The following GALNT17 variants were observed in gnomAD, a reference collection of about 807,000 sequenced individuals.
GALNT17 encodes UDP-GalNAc:polypeptide N-acetylgalactosaminyltransferase-like 3.
A neutral mutation model predicts 63.7 loss-of-function variants in GALNT17; 29 were observed. That is an observed-to-expected ratio of 0.46 (90% CI 0.34 to 0.62). The LOEUF is 0.62. GALNT17 is among the 20% of genes least tolerant of loss of function. The pLI, the probability that GALNT17 is intolerant of heterozygous loss-of-function variation, is 0.01. For missense variants in GALNT17, 603 were observed against 799.6 expected (o/e 0.75, Z 2.97); for synonymous variants, 305 against 318.3 (o/e 0.96, Z 0.45).
intron 9 of GALNT17, among the ~76,000 whole-genome samples, chr7:71,677,905 C>T (rs35056957): frequency 1.9e-4 from 29 of 152,134 alleles, no homozygotes; most frequent in Admixed American, 1.4e-3. Context: ...CGGTAGTTCT[C>T]AATGTCCAGA....
chr7:71,475,994 TATA>T (rs1172575578), intron 5 of GALNT17, among the ~76,000 whole-genome samples: 5 of 152,208 alleles, frequency 3.3e-5, no homozygotes, highest in Non-Finnish European at 5.9e-5. Flanking sequence ...TCCTACTAAT[TATA>T]ATAATTATCA....
intron 1 of GALNT17, among the ~76,000 whole-genome samples, chr7:71,191,353 A>AT (rs397736163): frequency 0.37 from 53,678 of 145,160 alleles, 11,860 homozygotes; most frequent in African/African-American, 0.64. Context: ...TTCACTCAGC[A>AT]TTTTTTTTTT....
At position 71,538,250 on chromosome 7, in the gene GALNT17, A is replaced by C. The variant is rs187819656; in HGVS notation, c.963-33035A>C. Among the ~76,000 whole-genome samples the C allele has an allele frequency of 9.4e-4, 143 of 152,246 alleles. 1 individual carries two copies. The highest frequency in any genetic ancestry group is 2.5e-4 in the Non-Finnish European group (17 of 68,018). ...TCTAAATGTGTCTTCTGCTCCAATT[A>C]TGTTTTTATGAGTCCACTTGAAACC... On this transcript the variant is annotated intron_variant, in intron 5 of 10. Transcript: ENST00000333538.
intron 7 of GALNT17, 106 bp downstream of exon 7, chr7:71,665,702 T>C: frequency 1.5e-6 from 2 of 1,316,992 alleles, no homozygotes; most frequent in Non-Finnish European, 2.1e-6. Flanking sequence ...ATGCTCATGC[T>C]TAGAAAAATT....
At chr7:71,549,004 C>G (rs961003159) in intron 5 of GALNT17, among the ~76,000 whole-genome samples, 5 of 152,172 alleles carry the variant, frequency 3.3e-5, no homozygotes, top group African/African-American at 7.2e-5. Flanking sequence ...TTCTGAGCCT[C>G]TGGGGGTTAT....
At chr7:71,613,010 G>T (rs1045026984) in intron 6 of GALNT17, among the ~76,000 whole-genome samples, 2 of 152,068 alleles carry the variant, frequency 1.3e-5, no homozygotes, top group Admixed American at 6.6e-5. Flanking sequence ...CCCCCCTCTC[G>T]CCTATCACCA....
At chr7:71,619,127 G>A (rs1375249819) in intron 6 of GALNT17, among the ~76,000 whole-genome samples, 1 of 152,134 alleles carries the variant, frequency 6.6e-6, no homozygotes, top group Non-Finnish European at 1.5e-5. Context: ...TTGTAGGTGT[G>A]CATTTAATTT....
At chr7:71,609,342 TG>T (rs1790092004) in intron 6 of GALNT17, among the ~76,000 whole-genome samples, 1 of 152,178 alleles carries the variant, frequency 6.6e-6, no homozygotes, top group Non-Finnish European at 1.5e-5. Context: ...CGTTCCTTTT[TG>T]TAAGCCGTGA....
At chr7:71,456,589 T>G (rs1198868993) in intron 5 of GALNT17, among the ~76,000 whole-genome samples, 1 of 151,612 alleles carries the variant, frequency 6.6e-6, no homozygotes, top group Non-Finnish European at 1.5e-5. Flanking sequence ...GGTGGCATGG[T>G]GGCGGACGCC....
chr7:71,190,320 T>C (rs188547543), intron 1 of GALNT17, among the ~76,000 whole-genome samples: 1 of 152,332 alleles, frequency 6.6e-6, no homozygotes, highest in African/African-American at 2.4e-5. Context: ...CCCTCATGGC[T>C]TGGTGCTGTC....
At chr7:71,308,950 G>C (rs1279070249) in intron 1 of GALNT17, among the ~76,000 whole-genome samples, 6 of 151,960 alleles carry the variant, frequency 3.9e-5, no homozygotes, top group Admixed American at 3.9e-4. Context: ...CACCATGTTG[G>C]CCATACTGGT....
At chr7:71,356,414 C>T (rs922919243) in intron 2 of GALNT17, among the ~76,000 whole-genome samples, 3 of 152,304 alleles carry the variant, frequency 2.0e-5, no homozygotes, top group African/African-American at 7.2e-5. Context: ...TTAACTGGCT[C>T]ACAGTTCTAC....
At chr7:71,629,642 AT>A (rs1351658351) in intron 6 of GALNT17, among the ~76,000 whole-genome samples, 8 of 151,886 alleles carry the variant, frequency 5.3e-5, no homozygotes, top group Admixed American at 5.2e-4. Flanking sequence ...CCAACTAATT[AT>A]TTATTTATTT....
intron 1 of GALNT17, among the ~76,000 whole-genome samples, chr7:71,324,590 G>A (rs547278846): frequency 6.6e-6 from 1 of 152,142 alleles, no homozygotes; most frequent in Non-Finnish European, 1.5e-5. Flanking sequence ...CCCAGGAGGT[G>A]GAGATTGCAG....
At chr7:71,149,572 G>A (rs1788094786) in intron 1 of GALNT17, among the ~76,000 whole-genome samples, 1 of 152,206 alleles carries the variant, frequency 6.6e-6, no homozygotes. Flanking sequence ...AGTCACTCGT[G>A]TGAAAAGTTG....
At chr7:71,210,136 TG>T (rs1480268769) in intron 1 of GALNT17, among the ~76,000 whole-genome samples, 1 of 152,144 alleles carries the variant, frequency 6.6e-6, no homozygotes, top group African/African-American at 2.4e-5. Context: ...TTAGCCAGGC[TG>T]GTCTTGAACT....
chr7:71,439,244 G>T (rs1368019906), intron 5 of GALNT17, among the ~76,000 whole-genome samples: 1 of 152,040 alleles, frequency 6.6e-6, no homozygotes, highest in African/African-American at 2.4e-5. Context: ...AGAAAAGAAG[G>T]GACTCATGTT....
chr7:71,525,164 G>A (rs1489260268), intron 5 of GALNT17, among the ~76,000 whole-genome samples: 1 of 152,024 alleles, frequency 6.6e-6, no homozygotes, highest in African/African-American at 2.4e-5. Flanking sequence ...ACTTTTGTGT[G>A]TGTGTGTTTT....
In GALNT17 at chr7:71,291,175, G is replaced by A. The variant is rs568238271; in HGVS notation, c.239-44375G>A. ...TCCATCCAGACTGAACTCCCAAATAGCCAATTTCCCCAACACCTTTTACGA... is the reference window on the plus strand; with the variant it reads ...TCCATCCAGACTGAACTCCCAAATAACCAATTTCCCCAACACCTTTTACGA... On this transcript the variant is annotated intron_variant, in intron 1 of 10. Transcript: ENST00000333538. Among the ~76,000 whole-genome samples, 204 of 152,206 alleles carry A rather than the reference G, an allele frequency of 1.3e-3. 1 individual carries two copies. The highest frequency in any genetic ancestry group is 3.4e-3 in the Middle Eastern group (1 of 294).
Sources: allele counts gnomAD v4.1 joint callset (sites outside exome capture counted in the v4.1 genomes callset), GRCh38; gene constraint gnomAD v4.1.1; transcripts MANE v1.5; gene names NCBI Gene and HGNC (gene_info 2026-07-23, HGNC 2026-07-21).